SORCS2: variants seen among roughly 807,000 people sequenced by gnomAD.
The protein encoded by SORCS2 is sortilin related VPS10 domain containing receptor 2.
SORCS2 carries 100 observed loss-of-function variants against 141.6 expected under a neutral mutation model. That is an observed-to-expected ratio of 0.71 (90% CI 0.60 to 0.83). The LOEUF (loss-of-function observed/expected upper bound fraction) is 0.83, where lower values mean the gene tolerates loss of function less well. SORCS2 is among the 40% of genes least tolerant of loss of function. SORCS2 has a pLI of 0.00. For synonymous variants in SORCS2, 789 were observed against 676.9 expected (o/e 1.17, Z -2.57); for missense variants, 1,646 against 1,560.2 (o/e 1.05, Z -0.93).
chr4:7,588,209 C>G (rs528759901), intron 3 of SORCS2, among the ~76,000 whole-genome samples: 1 of 152,218 alleles, frequency 6.6e-6, no homozygotes, highest in Non-Finnish European at 1.5e-5. Context: ...GGCCGCCAAA[C>G]CGCATTGAGA....
chr4:7,222,530 G>C (rs984953512), intron 1 of SORCS2, among the ~76,000 whole-genome samples: 4 of 152,128 alleles, frequency 2.6e-5, no homozygotes, highest in African/African-American at 9.7e-5. Context: ...TGAAGCACTC[G>C]TCTAAAATGG....
intron 10 of SORCS2, among the ~76,000 whole-genome samples, chr4:7,687,132 A>G (rs1723930850): frequency 6.6e-6 from 1 of 152,200 alleles, no homozygotes; most frequent in South Asian, 2.1e-4. Context: ...AGACCAACCC[A>G]TGAGCTCTGG....
intron 14 of SORCS2, among the ~76,000 whole-genome samples, chr4:7,705,801 AG>A (rs1725391522): frequency 6.6e-6 from 1 of 152,212 alleles, no homozygotes; most frequent in Admixed American, 6.5e-5. Flanking sequence ...AATGCCCCAG[AG>A]GGGCCCACGT....
In SORCS2 at chr4:7,527,895, C is replaced by T. The variant is rs118094515; in HGVS notation, c.549-3635C>T. Among the ~76,000 whole-genome samples, 179 of 152,264 alleles carry T rather than the reference C, an allele frequency of 1.2e-3. 1 individual carries two copies. The highest frequency in any genetic ancestry group is 9.1e-3 in the East Asian group (47 of 5,174). ...GATTAGACCTGGCAGTGGGGGCAGC[C>T]TGGGGGGCTGAGGATGGCACCTGGA... On this transcript the variant is annotated intron_variant, in intron 2 of 26. Transcript: ENST00000507866.
At chr4:7,376,294 T>C (rs1722649294) in intron 1 of SORCS2, among the ~76,000 whole-genome samples, 1 of 149,076 alleles carries the variant, frequency 6.7e-6, no homozygotes, top group Non-Finnish European at 1.5e-5. Flanking sequence ...AAAAAAATAC[T>C]GGCTGGGCAC....
At chr4:7,522,329 T>C (rs1733379008) in intron 2 of SORCS2, among the ~76,000 whole-genome samples, 1 of 152,228 alleles carries the variant, frequency 6.6e-6, no homozygotes, top group African/African-American at 2.4e-5. Flanking sequence ...GAAGTGAATA[T>C]GTACAAACAC....
At chr4:7,729,521 G>A (rs1367129306) in intron 22 of SORCS2, 66 bp from the exon 23 acceptor site, 54 of 1,526,514 alleles carry the variant, frequency 3.5e-5, no homozygotes, top group Non-Finnish European at 3.9e-5. Flanking sequence ...GTGTTCCTGG[G>A]GGCCCCAGTA....
At chr4:7,270,127 C>A (rs560433433) in intron 1 of SORCS2, among the ~76,000 whole-genome samples, 1 of 152,238 alleles carries the variant, frequency 6.6e-6, no homozygotes, top group East Asian at 1.9e-4. Context: ...GTGATCCTCC[C>A]GCCTTGGCCT....
At chr4:7,364,614 T>C (rs1721771559) in intron 1 of SORCS2, among the ~76,000 whole-genome samples, 1 of 152,090 alleles carries the variant, frequency 6.6e-6, no homozygotes, top group Non-Finnish European at 1.5e-5. Context: ...CTGTCTCCCT[T>C]TGAGAATGAT....
At chr4:7,277,331 A>G (rs2108852472) in intron 1 of SORCS2, among the ~76,000 whole-genome samples, 1 of 152,334 alleles carries the variant, frequency 6.6e-6, no homozygotes, top group African/African-American at 2.4e-5. Flanking sequence ...CCCTATCCCC[A>G]GCTCGCTGAG....
chr4:7,253,653 A>G (rs1024938893), intron 1 of SORCS2, among the ~76,000 whole-genome samples: 3 of 152,094 alleles, frequency 2.0e-5, no homozygotes, highest in African/African-American at 7.2e-5. Context: ...ACTGGGGAGG[A>G]GGTGGCATGA....
chr4:7,666,007 T>C (rs983206534), intron 7 of SORCS2, among the ~76,000 whole-genome samples: 4 of 151,900 alleles, frequency 2.6e-5, no homozygotes, highest in East Asian at 3.9e-4. Context: ...AGGAGGTGAT[T>C]TGGGGGGCTT....
intron 8 of SORCS2, among the ~76,000 whole-genome samples, chr4:7,670,543 G>A (rs1216041364): frequency 6.6e-6 from 1 of 152,166 alleles, no homozygotes; most frequent in African/African-American, 2.4e-5. Context: ...TCAGGATCAG[G>A]TAAGATGGCA....
intron 8 of SORCS2, among the ~76,000 whole-genome samples, chr4:7,672,002 G>A (rs1417130627): frequency 6.1e-5 from 9 of 148,090 alleles, no homozygotes; most frequent in African/African-American, 1.8e-4. Flanking sequence ...GGAGTTCAGT[G>A]GTACAATCTC....
chr4:7,316,123 A>G (rs1462986024), intron 1 of SORCS2, among the ~76,000 whole-genome samples: 2 of 148,848 alleles, frequency 1.3e-5, no homozygotes, highest in African/African-American at 5.0e-5. Flanking sequence ...TCTATCTACC[A>G]TCCATTTATC....
At chr4:7,615,399 C>T (rs567782425) in intron 3 of SORCS2, among the ~76,000 whole-genome samples, 1 of 152,332 alleles carries the variant, frequency 6.6e-6, no homozygotes, top group African/African-American at 2.4e-5. Flanking sequence ...AATCTTTTTC[C>T]TGGTATAAGG....
intron 1 of SORCS2, among the ~76,000 whole-genome samples, chr4:7,241,129 G>C (rs1298241804): frequency 1.3e-5 from 2 of 152,062 alleles, no homozygotes; most frequent in African/African-American, 4.8e-5. Context: ...AGTAGAGACA[G>C]GGTTTCACCA....
intron 2 of SORCS2, among the ~76,000 whole-genome samples, chr4:7,469,003 T>A (rs1291916764): frequency 6.6e-6 from 1 of 151,924 alleles, no homozygotes; most frequent in Non-Finnish European, 1.5e-5. Flanking sequence ...CTCTGAAGAG[T>A]TGTTGTGAGG....
At chr4:7,732,936 A>AC (rs1711816732) in intron 23 of SORCS2, among the ~76,000 whole-genome samples, 1 of 151,718 alleles carries the variant, frequency 6.6e-6, no homozygotes, top group Non-Finnish European at 1.5e-5. Context: ...AGCAGGACTC[A>AC]CACTGGTCCA....
Sources: allele counts gnomAD v4.1 joint callset (sites outside exome capture counted in the v4.1 genomes callset), GRCh38; gene constraint gnomAD v4.1.1; transcripts MANE v1.5; gene names NCBI Gene and HGNC (gene_info 2026-07-23, HGNC 2026-07-21).